The following HSD17B2 variants were observed in gnomAD, a reference collection of about 807,000 sequenced individuals.
HSD17B2 encodes 17-beta-hydroxysteroid dehydrogenase type 2.
In HSD17B2, 32 loss-of-function variants were observed where a neutral mutation model predicts 26.9. That is an observed-to-expected ratio of 1.19 (90% CI 0.90 to 1.60). The LOEUF is 1.60. Among genes scored for constraint, HSD17B2 ranks in the 40% most tolerant of loss-of-function variants. The pLI is 0.00. For missense variants in HSD17B2, 613 were observed against 468.6 expected (o/e 1.31, Z -2.85); for synonymous variants, 246 against 186.7 (o/e 1.32, Z -2.59).
At chr16:82,051,988 T>A (rs1401725641) in intron 1 of HSD17B2, among the ~76,000 whole-genome samples, 1 of 152,236 alleles carries the variant, frequency 6.6e-6, no homozygotes, top group African/African-American at 2.4e-5. Flanking sequence ...TATCAAGGGC[T>A]CACCATCACC....
At chr16:82,045,616 T>C (rs530512155) in intron 1 of HSD17B2, among the ~76,000 whole-genome samples, 4 of 152,258 alleles carry the variant, frequency 2.6e-5, no homozygotes, top group Non-Finnish European at 5.9e-5. Context: ...CATTCATTAA[T>C]GTGCCTCATC....
intron 1 of HSD17B2, among the ~76,000 whole-genome samples, chr16:82,049,738 A>T (rs1334292121): frequency 6.6e-6 from 1 of 152,256 alleles, no homozygotes; most frequent in Non-Finnish European, 1.5e-5. Flanking sequence ...CAAGCAGTTC[A>T]TTGTTTTTAC....
intron 1 of HSD17B2, among the ~76,000 whole-genome samples, chr16:82,057,633 C>A (rs1951269653): frequency 6.6e-6 from 1 of 152,186 alleles, no homozygotes; most frequent in Admixed American, 6.5e-5. Flanking sequence ...TCTTCCAGGT[C>A]AACATCAGCA....
intron 1 of HSD17B2, among the ~76,000 whole-genome samples, chr16:82,040,059 A>G (rs555420977): frequency 2.6e-4 from 40 of 152,364 alleles, no homozygotes; most frequent in Admixed American, 9.1e-4. Flanking sequence ...TACAGCTAGC[A>G]CTCAATAAGG....
intron 1 of HSD17B2, among the ~76,000 whole-genome samples, chr16:82,056,203 C>A (rs1017869516): frequency 6.6e-6 from 1 of 152,108 alleles, no homozygotes; most frequent in African/African-American, 2.4e-5. Context: ...AGTAAGGCTG[C>A]CCTACTTAGA....
At chr16:82,067,436 C>G (rs1427861857) in intron 1 of HSD17B2, among the ~76,000 whole-genome samples, 3 of 152,216 alleles carry the variant, frequency 2.0e-5, no homozygotes, top group Non-Finnish European at 4.4e-5. Flanking sequence ...TCCTGGGTCC[C>G]TAATACCCTC....
chr16:82,083,800 C>T (rs1376710492), intron 3 of HSD17B2, among the ~76,000 whole-genome samples: 3 of 152,256 alleles, frequency 2.0e-5, no homozygotes, highest in East Asian at 3.9e-4. Flanking sequence ...ATGTCTACTA[C>T]AGGAGACTTT....
chr16:82,054,645 C>A (rs1162418710), intron 1 of HSD17B2, among the ~76,000 whole-genome samples: 1 of 152,168 alleles, frequency 6.6e-6, no homozygotes, highest in Admixed American at 6.5e-5. Context: ...GGGCTCAGCC[C>A]TGCCCTATTC....
Position 82,074,789 on chromosome 16 carries a change from T to C in HSD17B2, c.664+3662T>C, listed in dbSNP as rs8191200. Among the ~76,000 whole-genome samples, 37 of 152,308 alleles carry C rather than the reference T, an allele frequency of 2.4e-4. No individual in the cohort carries two copies. In the East Asian group the frequency reaches 6.8e-3, roughly 28 times the overall value. ...TACTCCACTTTCAGCTTTGGATAGA[T>C]CATCCAGGCAGAAAATCAATAAAGA... On this transcript the variant is annotated intron_variant, in intron 3 of 4. Transcript: ENST00000199936.
At chr16:82,097,359 A>ATTATATATG (rs1567595578) in intron 4 of HSD17B2, 1 of 92,118 alleles carries the variant, frequency 1.1e-5, no homozygotes, top group Non-Finnish European at 2.9e-5. Flanking sequence ...GTACACACAC[A>ATTATATATG]CACACACACA....
intron 3 of HSD17B2, among the ~76,000 whole-genome samples, chr16:82,076,846 G>C (rs1196826454): frequency 2.0e-5 from 3 of 152,130 alleles, no homozygotes; most frequent in African/African-American, 7.2e-5. Flanking sequence ...CCAAAAGGCT[G>C]GGATTACAGG....
At chr16:82,045,463 G>C (rs1913897423) in intron 1 of HSD17B2, among the ~76,000 whole-genome samples, 2 of 152,220 alleles carry the variant, frequency 1.3e-5, no homozygotes. Context: ...GCAAGATTGT[G>C]AATATATATT....
At chr16:82,091,126 C>A (rs1421930248) in intron 4 of HSD17B2, 87 bp downstream of exon 4, 2 of 1,291,108 alleles carry the variant, frequency 1.5e-6, no homozygotes, top group Non-Finnish European at 2.3e-6. Flanking sequence ...CACATTGAAC[C>A]CCTCATTGTT....
At chr16:82,092,443 G>A (rs559394423) in intron 4 of HSD17B2, 2 of 152,204 alleles carry the variant, frequency 1.3e-5, no homozygotes, top group African/African-American at 4.8e-5. Flanking sequence ...ACCACAGACT[G>A]GGAGGTATTG....
intron 3 of HSD17B2, chr16:82,071,874 G>C (rs1467182658): frequency 1.3e-5 from 2 of 152,664 alleles, no homozygotes; most frequent in African/African-American, 4.8e-5. Flanking sequence ...CAAAGGGATG[G>C]GCTCTGGATC....
chr16:82,074,036 G>A (rs940746037), intron 3 of HSD17B2, among the ~76,000 whole-genome samples: 3 of 152,084 alleles, frequency 2.0e-5, no homozygotes, highest in African/African-American at 7.2e-5. Context: ...AGAGAACCCA[G>A]AAATAAAACA....
At chr16:82,082,452 T>C (rs1245426024) in intron 3 of HSD17B2, among the ~76,000 whole-genome samples, 2 of 152,190 alleles carry the variant, frequency 1.3e-5, no homozygotes, top group African/African-American at 4.8e-5. Context: ...CATTCATCAG[T>C]TGATGGACAT....
At chr16:82,091,319 G>A (rs1182587191) in intron 4 of HSD17B2, 7 of 445,564 alleles carry the variant, frequency 1.6e-5, no homozygotes, top group Admixed American at 6.8e-5. Context: ...TAGTGAAAAA[G>A]TACAAGGGTC....
intron 3 of HSD17B2, among the ~76,000 whole-genome samples, chr16:82,082,059 C>A (rs1428287910): frequency 1.3e-5 from 2 of 152,286 alleles, no homozygotes; most frequent in South Asian, 2.1e-4. Context: ...AGCTTCTTTA[C>A]CCCTTTTTCC....
Sources: allele counts gnomAD v4.1 joint callset (sites outside exome capture counted in the v4.1 genomes callset), GRCh38; gene constraint gnomAD v4.1.1; transcripts MANE v1.5; gene names NCBI Gene and HGNC (gene_info 2026-07-23, HGNC 2026-07-21).